HHAT: variants seen among roughly 807,000 people sequenced by gnomAD.
The protein encoded by HHAT is hedgehog acyltransferase.
A neutral mutation model predicts 70.8 loss-of-function variants in HHAT; 47 were observed. The ratio of observed to expected loss-of-function variants is 0.66; its 90% CI spans 0.53 to 0.85. HHAT has a LOEUF of 0.85. HHAT is among the 40% of genes least tolerant of loss of function. HHAT has a pLI of 0.00. For missense variants in HHAT, 609 were observed against 604.8 expected (o/e 1.01, Z -0.07); for synonymous variants, 228 against 247.6 (o/e 0.92, Z 0.74).
intron 9 of HHAT, among the ~76,000 whole-genome samples, chr1:210,535,951 T>TGGG (rs2095367795): frequency 6.6e-6 from 1 of 152,178 alleles, no homozygotes; most frequent in East Asian, 1.9e-4. Flanking sequence ...ATTCCAGTAA[T>TGGG]TATTCAACTA....
intron 9 of HHAT, among the ~76,000 whole-genome samples, chr1:210,528,909 T>TA (rs1173400399): frequency 6.6e-6 from 1 of 152,124 alleles, no homozygotes; most frequent in Non-Finnish European, 1.5e-5. Context: ...TATTACCCCC[T>TA]GGGATACCAT....
intron 1 of HHAT, among the ~76,000 whole-genome samples, chr1:210,346,744 G>T (rs2086558672): frequency 2.0e-5 from 3 of 152,224 alleles, no homozygotes; most frequent in Non-Finnish European, 4.4e-5. Context: ...GTGGTCTGAA[G>T]AAAGGAGTTT....
intron 11 of HHAT, among the ~76,000 whole-genome samples, chr1:210,663,167 G>C (rs1678128404): frequency 6.6e-6 from 1 of 152,160 alleles, no homozygotes; most frequent in African/African-American, 2.4e-5. Flanking sequence ...ATATAAGCGT[G>C]CTCATCTATG....
intron 6 of HHAT, among the ~76,000 whole-genome samples, chr1:210,410,451 T>G (rs1421762944): frequency 1.3e-5 from 2 of 151,844 alleles, no homozygotes; most frequent in South Asian, 2.1e-4. Flanking sequence ...CCTTTTGTTT[T>G]TTTTTTTTTA....
intron 1 of HHAT, among the ~76,000 whole-genome samples, chr1:210,333,476 A>G (rs1020093019): frequency 4.1e-4 from 63 of 152,168 alleles, no homozygotes; most frequent in Admixed American, 2.0e-4. Flanking sequence ...ATGTATGAGT[A>G]TATGTACTTC....
At chr1:210,442,496 A>T (rs902612516) in intron 7 of HHAT, among the ~76,000 whole-genome samples, 53 of 148,742 alleles carry the variant, frequency 3.6e-4, no homozygotes, top group African/African-American at 1.3e-3. Flanking sequence ...ATTTCTCCAC[A>T]TCCTGTCCAG....
chr1:210,621,960 A>G (rs1188436704), intron 10 of HHAT, among the ~76,000 whole-genome samples: 4 of 152,188 alleles, frequency 2.6e-5, no homozygotes, highest in African/African-American at 9.6e-5. Context: ...GACAGAGGGT[A>G]GCAGCCAGAT....
At chr1:210,598,170 A>T (rs1025333058) in intron 10 of HHAT, among the ~76,000 whole-genome samples, 2 of 151,850 alleles carry the variant, frequency 1.3e-5, no homozygotes, top group African/African-American at 4.8e-5. Context: ...CTGGCCCCCT[A>T]TCTTACTGTG....
At chr1:210,419,032 CA>C (rs1006177016) in intron 7 of HHAT, among the ~76,000 whole-genome samples, 1 of 151,664 alleles carries the variant, frequency 6.6e-6, no homozygotes, top group Non-Finnish European at 1.5e-5. Flanking sequence ...GACTCTGTCT[CA>C]AAAAAAGAAT....
chr1:210,448,559 G>A (rs2093682675), intron 7 of HHAT, among the ~76,000 whole-genome samples: 1 of 152,076 alleles, frequency 6.6e-6, no homozygotes, highest in Non-Finnish European at 1.5e-5. Flanking sequence ...GCCTCTCCAG[G>A]GCAATTTACG....
intron 9 of HHAT, among the ~76,000 whole-genome samples, chr1:210,531,239 T>C (rs2095311674): frequency 6.6e-6 from 1 of 152,062 alleles, no homozygotes; most frequent in Non-Finnish European, 1.5e-5. Context: ...ATATATGCAG[T>C]CTGTTGTTGA....
intron 7 of HHAT, among the ~76,000 whole-genome samples, chr1:210,423,902 C>G (rs746923765): frequency 2.0e-5 from 3 of 152,102 alleles, no homozygotes; most frequent in Non-Finnish European, 4.4e-5. Flanking sequence ...ATCTACATGC[C>G]TGTTTCTATG....
intron 9 of HHAT, among the ~76,000 whole-genome samples, chr1:210,535,451 G>T (rs1161158550): frequency 6.6e-6 from 1 of 151,766 alleles, no homozygotes. Flanking sequence ...GTGTGTGTGT[G>T]TGTGGGGTAA....
intron 11 of HHAT, among the ~76,000 whole-genome samples, chr1:210,671,565 C>T (rs866195796): frequency 3.3e-5 from 5 of 152,108 alleles, no homozygotes; most frequent in South Asian, 2.1e-4. Context: ...TTTGGAGTAG[C>T]CTTTAAATCC....
intron 8 of HHAT, among the ~76,000 whole-genome samples, chr1:210,495,979 C>A (rs1376120963): frequency 1.6e-5 from 2 of 123,540 alleles, no homozygotes; most frequent in African/African-American, 3.2e-5. Flanking sequence ...CCACTGCATT[C>A]CAGCCTGGGC....
intron 2 of HHAT, among the ~76,000 whole-genome samples, chr1:210,351,762 GCTTACATTT>G (rs370878615): frequency 6.6e-6 from 1 of 152,138 alleles, no homozygotes; most frequent in Non-Finnish European, 1.5e-5. Context: ...GCTTCATGTG[GCTTACATTT>G]CTTACATTTA....
intron 9 of HHAT, among the ~76,000 whole-genome samples, chr1:210,573,622 A>G (rs1002092832): frequency 5.9e-5 from 9 of 152,164 alleles, no homozygotes; most frequent in African/African-American, 2.2e-4. Flanking sequence ...TTGTGGTTAA[A>G]TCTCCCTTTT....
At chr1:210,448,870 T>C (rs2093689272) in intron 7 of HHAT, among the ~76,000 whole-genome samples, 1 of 152,310 alleles carries the variant, frequency 6.6e-6, no homozygotes, top group East Asian at 1.9e-4. Context: ...ATTCCCTAGA[T>C]GGAGCGGGGC....
intron 7 of HHAT, among the ~76,000 whole-genome samples, chr1:210,443,636 GCTCT>G (rs2093575418): frequency 3.0e-5 from 1 of 33,246 alleles, no homozygotes; most frequent in African/African-American, 9.8e-5. Context: ...TCATGATTTG[GCTCT>G]CTGTTTGTCT....
Sources: gnomAD v4.1 joint callset for allele counts (sites outside exome capture counted in the v4.1 genomes callset) on GRCh38, gnomAD v4.1.1 for gene constraint, MANE v1.5 for transcripts, NCBI Gene and HGNC (gene_info 2026-07-23, HGNC 2026-07-21) for gene names.